Variants in ARHGAP15 observed in about 807,000 individuals in gnomAD.
ARHGAP15 encodes the protein Rho GTPase activating protein 15, also known as rho GTPase-activating protein 15.
ARHGAP15 carries 51 observed loss-of-function variants against 63.7 expected under a neutral mutation model. That is an observed-to-expected ratio of 0.80 (90% CI 0.64 to 1.01). The LOEUF (loss-of-function observed/expected upper bound fraction) is 1.01. ARHGAP15 is among the 50% of genes least tolerant of loss of function. ARHGAP15 has a pLI of 0.00. For synonymous variants in ARHGAP15, 191 were observed against 193.8 expected (o/e 0.99, Z 0.12); for missense variants, 560 against 564.6 (o/e 0.99, Z 0.08).
intron 6 of ARHGAP15, among the ~76,000 whole-genome samples, chr2:143,349,491 ATAAT>A (rs1685461113): frequency 6.6e-6 from 1 of 152,190 alleles, no homozygotes; most frequent in South Asian, 2.1e-4. Context: ...ATTTTCTAAA[ATAAT>A]TCAGTTTCTT....
chr2:143,238,029 A>G (rs1313677685), intron 5 of ARHGAP15: 2 of 152,172 alleles, frequency 1.3e-5, no homozygotes, highest in African/African-American at 4.8e-5. Flanking sequence ...GAAGGGGTCC[A>G]GTTTCAATTT....
chr2:143,737,825 CG>C (rs1559153720), intron 13 of ARHGAP15, among the ~76,000 whole-genome samples: 1 of 151,960 alleles, frequency 6.6e-6, no homozygotes, highest in African/African-American at 2.4e-5. Context: ...GGCACGATCT[CG>C]GCTCACTGCA....
intron 6 of ARHGAP15, among the ~76,000 whole-genome samples, chr2:143,284,886 T>C (rs1336960359): frequency 6.6e-6 from 1 of 152,212 alleles, no homozygotes; most frequent in Non-Finnish European, 1.5e-5. Context: ...TCAATGAATA[T>C]ACAATATGGT....
chr2:143,658,082 G>A (rs1681550709), intron 12 of ARHGAP15, among the ~76,000 whole-genome samples: 1 of 152,078 alleles, frequency 6.6e-6, no homozygotes, highest in Non-Finnish European at 1.5e-5. Flanking sequence ...TCATCTTTTA[G>A]AGCACTGGAT....
chr2:143,471,238 A>ATG (rs199618466), intron 8 of ARHGAP15, among the ~76,000 whole-genome samples: 5,169 of 148,154 alleles, frequency 0.035, 114 homozygotes, highest in Non-Finnish European at 0.044. Context: ...GTATGTGTAT[A>ATG]TGTGTATATA....
At chr2:143,363,284 T>C (rs1686141120) in intron 6 of ARHGAP15, among the ~76,000 whole-genome samples, 1 of 152,204 alleles carries the variant, frequency 6.6e-6, no homozygotes, top group South Asian at 2.1e-4. Flanking sequence ...CTTATGCCTC[T>C]AATCCCAGCA....
intron 10 of ARHGAP15, among the ~76,000 whole-genome samples, chr2:143,549,073 G>A (rs60262355): frequency 4.8e-4 from 73 of 152,222 alleles, no homozygotes; most frequent in African/African-American, 1.5e-3. Flanking sequence ...TTGGAATCAC[G>A]TAACAACTGT....
chr2:143,376,925 T>C (rs75932133), intron 6 of ARHGAP15, among the ~76,000 whole-genome samples: 32,889 of 151,990 alleles, frequency 0.22, 4,102 homozygotes, highest in East Asian at 0.39. Context: ...TTTTGTATTA[T>C]TGGTAATGGT....
chr2:143,703,768 T>G (rs1684199525), intron 13 of ARHGAP15: 1 of 350,690 alleles, frequency 2.9e-6, no homozygotes, highest in South Asian at 5.3e-5. Flanking sequence ...GTTTGCTGAT[T>G]GCTTGTCAGA....
At chr2:143,348,863 C>T (rs1685424668) in intron 6 of ARHGAP15, among the ~76,000 whole-genome samples, 1 of 152,128 alleles carries the variant, frequency 6.6e-6, no homozygotes, top group Admixed American at 6.6e-5. Flanking sequence ...TGGAGATTTA[C>T]CTCCAATCTT....
At chr2:143,579,715 A>T (rs1696816395) in intron 11 of ARHGAP15, among the ~76,000 whole-genome samples, 2 of 151,912 alleles carry the variant, frequency 1.3e-5, no homozygotes, top group Admixed American at 6.6e-5. Context: ...AGTGCTGATC[A>T]TGCAACTTCC....
At chr2:143,596,079 T>C (rs565375412) in intron 11 of ARHGAP15, among the ~76,000 whole-genome samples, 1 of 152,266 alleles carries the variant, frequency 6.6e-6, no homozygotes, top group Admixed American at 6.5e-5. Flanking sequence ...ATGGAGATGG[T>C]GTTGGTTCTA....
chr2:143,215,431 T>C (rs1330388648), intron 3 of ARHGAP15, among the ~76,000 whole-genome samples: 1 of 152,128 alleles, frequency 6.6e-6, no homozygotes, highest in Non-Finnish European at 1.5e-5. Flanking sequence ...TGAAGTAGAT[T>C]AAATATACTT....
intron 13 of ARHGAP15, among the ~76,000 whole-genome samples, chr2:143,763,606 A>G (rs1253434426): frequency 1.3e-5 from 2 of 148,590 alleles, no homozygotes; most frequent in African/African-American, 5.1e-5. Context: ...ATATCTTAAT[A>G]AATTGCATAT....
chr2:143,395,228 G>A (rs531445529), intron 6 of ARHGAP15, among the ~76,000 whole-genome samples: 2 of 152,202 alleles, frequency 1.3e-5, no homozygotes, highest in Admixed American at 6.5e-5. Flanking sequence ...TGGGAGGGGA[G>A]CATTTCAGCT....
At chr2:143,653,718 C>G (rs573363725) in intron 12 of ARHGAP15, among the ~76,000 whole-genome samples, 1 of 152,228 alleles carries the variant, frequency 6.6e-6, no homozygotes, top group East Asian at 1.9e-4. Context: ...CATACTGGGT[C>G]GGCATTCCTT....
chr2:143,704,631 CCTT>C (rs1380366564), intron 13 of ARHGAP15, among the ~76,000 whole-genome samples: 1 of 152,136 alleles, frequency 6.6e-6, no homozygotes, highest in Non-Finnish European at 1.5e-5. Context: ...TCTGTTAACA[CCTT>C]CTTCAGATAA....
intron 9 of ARHGAP15, among the ~76,000 whole-genome samples, chr2:143,490,039 G>T (rs1036239218): frequency 1.3e-4 from 20 of 151,980 alleles, no homozygotes; most frequent in Non-Finnish European, 2.2e-4. Context: ...TCGCTCTGTC[G>T]CCCAGGCTGG....
intron 12 of ARHGAP15, among the ~76,000 whole-genome samples, chr2:143,667,887 C>G (rs992072588): frequency 4.6e-5 from 7 of 151,998 alleles, no homozygotes; most frequent in Non-Finnish European, 8.8e-5. Flanking sequence ...ACTCAGGAAG[C>G]TGAGATGGAA....
Sources: allele counts gnomAD v4.1 joint callset (sites outside exome capture counted in the v4.1 genomes callset), GRCh38; gene constraint gnomAD v4.1.1; transcripts MANE v1.5; gene names NCBI Gene and HGNC (gene_info 2026-07-23, HGNC 2026-07-21).